Variants in SMYD3 observed in about 807,000 individuals in gnomAD.
The protein encoded by SMYD3 is histone-lysine N-methyltransferase SMYD3.
SMYD3 carries 36 observed loss-of-function variants against 57.7 expected under a neutral mutation model. The ratio of observed to expected loss-of-function variants is 0.62; its 90% CI spans 0.48 to 0.82. The LOEUF is 0.82. SMYD3 is among the 40% of genes least tolerant of loss of function. SMYD3 has a pLI of 0.00. For missense variants in SMYD3, 515 were observed against 538.8 expected, an observed-to-expected ratio of 0.96 and a Z score of 0.44; for synonymous variants, 211 against 195.0, an observed-to-expected ratio of 1.08 and a Z score of -0.68.
intron 5 of SMYD3, among the ~76,000 whole-genome samples, chr1:246,089,544 C>T (rs1237934109): frequency 6.6e-6 from 1 of 152,110 alleles, no homozygotes; most frequent in Non-Finnish European, 1.5e-5. Flanking sequence ...CCTTTAAGAC[C>T]GTGAGAAAGG....
chr1:246,237,568 C>T (rs1298576663), intron 5 of SMYD3, among the ~76,000 whole-genome samples: 2 of 152,160 alleles, frequency 1.3e-5, no homozygotes, highest in African/African-American at 2.4e-5. Flanking sequence ...TCACTCCCTC[C>T]CCGTTTCTGG....
intron 1 of SMYD3, among the ~76,000 whole-genome samples, chr1:246,482,299 C>T (rs917939713): frequency 6.6e-6 from 1 of 152,184 alleles, no homozygotes; most frequent in African/African-American, 2.4e-5. Context: ...AAAGCCACAG[C>T]AGTGCTCCTT....
At chr1:246,459,434 G>A (rs766057307) in intron 1 of SMYD3, among the ~76,000 whole-genome samples, 8 of 151,498 alleles carry the variant, frequency 5.3e-5, no homozygotes, top group Non-Finnish European at 7.4e-5. Flanking sequence ...TTGAGAGTTT[G>A]TGGCACGTCC....
chr1:245,966,357 T>C (rs1372666602), intron 5 of SMYD3, among the ~76,000 whole-genome samples: 1 of 152,078 alleles, frequency 6.6e-6, no homozygotes, highest in Non-Finnish European at 1.5e-5. Context: ...TTCGTAGAGA[T>C]GAGGTCTCAT....
chr1:246,437,423 C>A (rs58300303), intron 1 of SMYD3, among the ~76,000 whole-genome samples: 61,987 of 151,806 alleles, frequency 0.41, 14,100 homozygotes, highest in Admixed American at 0.53. Context: ...TGTGGGTGCC[C>A]CAGGTAAGCA....
intron 10 of SMYD3, among the ~76,000 whole-genome samples, chr1:245,795,343 G>A (rs1331626765): frequency 1.3e-5 from 2 of 152,110 alleles, no homozygotes; most frequent in East Asian, 3.9e-4. Context: ...TCATAGTGAG[G>A]ATGTCCTCTC....
chr1:246,335,355 T>C lies in SMYD3; in HGVS notation c.336+12A>G, dbSNP rs889448206. Reference sequence around the variant, plus strand: ...CCAAAACCCAGCTATATTTCATGAGTTTTATACTCACAAGTTTGAAGACAA... The same window carrying C: ...CCAAAACCCAGCTATATTTCATGAGCTTTATACTCACAAGTTTGAAGACAA... On this transcript the variant is annotated intron_variant, in intron 3 of 11. Transcript: ENST00000490107. 1 of 1,611,666 alleles carries C rather than the reference T, an allele frequency of 6.2e-7. No individual in the cohort carries two copies. The highest frequency in any genetic ancestry group is 2.2e-5 in the East Asian group (1 of 44,868).
intron 5 of SMYD3, among the ~76,000 whole-genome samples, chr1:246,058,416 C>A (rs1302670816): frequency 6.6e-6 from 1 of 152,134 alleles, no homozygotes; most frequent in Non-Finnish European, 1.5e-5. Flanking sequence ...CAAAAATCAT[C>A]TTTTTAAAAA....
intron 8 of SMYD3, among the ~76,000 whole-genome samples, chr1:245,872,569 G>C (rs12069572): frequency 4.0e-4 from 61 of 152,348 alleles, no homozygotes; most frequent in African/African-American, 1.4e-3. Context: ...GGGCAACCAG[G>C]GGCTGTGAGC....
At chr1:246,105,877 C>G in intron 5 of SMYD3, among the ~76,000 whole-genome samples, 1 of 152,192 alleles carries the variant, frequency 6.6e-6, no homozygotes, top group East Asian at 1.9e-4. Context: ...TCCAAAACAT[C>G]CACTGCTAAT....
At chr1:246,417,575 T>C (rs969072589) in intron 1 of SMYD3, among the ~76,000 whole-genome samples, 2 of 152,134 alleles carry the variant, frequency 1.3e-5, no homozygotes, top group African/African-American at 4.8e-5. Context: ...GTTGAGTCTG[T>C]TCCTTGGTAT....
intron 1 of SMYD3, among the ~76,000 whole-genome samples, chr1:246,411,737 A>G (rs533831778): frequency 3.9e-4 from 58 of 150,612 alleles, no homozygotes; most frequent in African/African-American, 1.4e-3. Flanking sequence ...AAAAAACCAA[A>G]CACCGCATGT....
intron 5 of SMYD3, among the ~76,000 whole-genome samples, chr1:246,271,062 G>A (rs1039290585): frequency 3.3e-5 from 5 of 152,180 alleles, no homozygotes; most frequent in Admixed American, 6.5e-5. Flanking sequence ...TTTCCGTCAT[G>A]ATTAGTGATG....
At chr1:245,876,611 A>C (rs148035179) in intron 8 of SMYD3, among the ~76,000 whole-genome samples, 52 of 152,354 alleles carry the variant, frequency 3.4e-4, no homozygotes, top group African/African-American at 1.2e-3. Context: ...TACAATAGAC[A>C]CAAAAGTGAC....
intron 1 of SMYD3, among the ~76,000 whole-genome samples, chr1:246,505,426 A>AGC (rs1558495713): frequency 7.3e-6 from 1 of 137,030 alleles, no homozygotes. Context: ...TGAGTTTCCC[A>AGC]AGGAGCAGCA....
In SMYD3 at chr1:245,945,971, G is replaced by T. The variant is rs557926870; in HGVS notation, c.532-16034C>A. 2.6e-5 allele frequency among the ~76,000 whole-genome samples: 4 copies of T among 152,258 alleles called. No homozygotes were observed. The South Asian group carries it at 8.3e-4, about 32-fold the overall frequency. On this transcript the variant is annotated intron_variant, in intron 5 of 11. Transcript: ENST00000490107. ...CACTGGGGCCTGTCCGGGGATTGAGGGGCGGAAGAACATCAGCATAAATAG... is the reference window on the plus strand; with the variant it reads ...CACTGGGGCCTGTCCGGGGATTGAGTGGCGGAAGAACATCAGCATAAATAG...
intron 7 of SMYD3, among the ~76,000 whole-genome samples, chr1:245,925,496 T>C (rs2056306084): frequency 6.6e-6 from 1 of 152,280 alleles, no homozygotes; most frequent in African/African-American, 2.4e-5. Context: ...TTGAAAGGCA[T>C]AGGATATATT....
chr1:246,199,505 A>AGTTTT (rs1336663518), intron 5 of SMYD3, among the ~76,000 whole-genome samples: 1 of 152,320 alleles, frequency 6.6e-6, no homozygotes, highest in African/African-American at 2.4e-5. Flanking sequence ...GGCTATTTTA[A>AGTTTT]GTTTTGTTTT....
intron 5 of SMYD3, among the ~76,000 whole-genome samples, chr1:246,063,801 G>A (rs1010920793): frequency 3.9e-5 from 6 of 151,994 alleles, no homozygotes; most frequent in East Asian, 1.9e-4. Flanking sequence ...CACCATGCCT[G>A]GCTAATTTTT....
Sources: allele counts gnomAD v4.1 joint callset (sites outside exome capture counted in the v4.1 genomes callset), GRCh38; gene constraint gnomAD v4.1.1; transcripts MANE v1.5; gene names NCBI Gene and HGNC (gene_info 2026-07-23, HGNC 2026-07-21).